PCNX1: variants seen among roughly 807,000 people sequenced by gnomAD.
PCNX1 encodes the protein pecanex 1, also known as pecanex-like protein 1.
Under a neutral mutation model 242.2 loss-of-function variants are expected in PCNX1, and 78 were observed. The ratio of observed to expected loss-of-function variants is 0.32; its 90% CI spans 0.27 to 0.39. The LOEUF is 0.39. PCNX1 is among the 10% of genes least tolerant of loss of function. The probability of loss-of-function intolerance (pLI) is 1.00; values close to 1 mark genes in which losing one functional copy is unlikely to be tolerated. For synonymous variants in PCNX1, 1,024 were observed against 1,032.9 expected, an observed-to-expected ratio of 0.99 and a Z score of 0.17; for missense variants, 2,581 against 2,856.5, an observed-to-expected ratio of 0.90 and a Z score of 2.20.
In PCNX1 at chr14:71,013,131, C is replaced by T. The variant is rs754684956; in HGVS notation, c.2925C>T (p.Arg975=). 5.0e-6 allele frequency: 8 copies of T among 1,614,006 alleles called. No homozygotes were observed. In the South Asian group the frequency reaches 7.7e-5, roughly 16 times the overall value. Residue 975 remains arginine (R), a synonymous_variant, in exon 11 of 36, where the codon CGC becomes CGT. Transcript: ENST00000304743. ...EAAQKVKHYY[R]FWILPQLWIG... is the part of the protein sequence containing the mutation. ...CCCAAAAGGTTAAACACTATTATCG[C>T]TTTTGGATCCTACCCCAGCTGTGGA... is the stretch of plus-strand genomic sequence containing the variant.
Position 71,057,731 on chromosome 14 carries a change from C to T in PCNX1, c.4852+7C>T. On this transcript the variant is annotated splice_region_variant and intron_variant, in intron 26 of 35. Coordinates refer to ENST00000304743, the MANE Select transcript of PCNX1 (RefSeq NM_014982.3). Reference sequence around the variant, plus strand: ...CGGGGACTTGAATTCAGAGGTAAGACATTCATTCACCTTTTATTTCTGTAG... The same window carrying T: ...CGGGGACTTGAATTCAGAGGTAAGATATTCATTCACCTTTTATTTCTGTAG... 1 of 1,584,440 alleles carries T rather than the reference C, an allele frequency of 6.3e-7. No homozygotes were observed. The highest frequency in any genetic ancestry group is 1.3e-5 in the African/African-American group (1 of 74,454).
At position 70,908,274 on chromosome 14, in the gene PCNX1, G is replaced by A. The variant is rs1257070141; in HGVS notation, c.153+271G>A. ...GCGGCAGCGTCCTAGGCCCCTTCTC[G>A]GGGTTCCCTCCTGCGGCCACTCGGC... On this transcript the variant is annotated intron_variant, in intron 1 of 35. Transcript: ENST00000304743. 2.0e-5 allele frequency among the ~76,000 whole-genome samples: 3 copies of A among 151,946 alleles called. No homozygotes were observed. In the East Asian group the frequency reaches 5.8e-4, roughly 29 times the overall value.
At chr14:70,932,989 C>G (rs1200897923) in intron 1 of PCNX1, among the ~76,000 whole-genome samples, 1 of 152,106 alleles carries the variant, frequency 6.6e-6, no homozygotes, top group Non-Finnish European at 1.5e-5. Context: ...CCATTGTTTT[C>G]TAGTGTAAAC....
chr14:70,938,537 T>C (rs1417194759), intron 1 of PCNX1, among the ~76,000 whole-genome samples: 1 of 152,204 alleles, frequency 6.6e-6, no homozygotes, highest in African/African-American at 2.4e-5. Context: ...TTTGCCAGTA[T>C]TTTATTGAGG....
intron 26 of PCNX1, among the ~76,000 whole-genome samples, chr14:71,067,006 T>G (rs544148860): frequency 2.0e-5 from 3 of 152,212 alleles, no homozygotes; most frequent in Non-Finnish European, 4.4e-5. Context: ...CTGGATTCTG[T>G]CTGCCAGTAT....
At chr14:70,966,167 T>C (rs1353114614) in intron 3 of PCNX1, among the ~76,000 whole-genome samples, 2 of 152,230 alleles carry the variant, frequency 1.3e-5, no homozygotes, top group African/African-American at 4.8e-5. Flanking sequence ...ATAGTCATGA[T>C]TCTTTTTGAG....
intron 6 of PCNX1, among the ~76,000 whole-genome samples, chr14:70,979,386 G>C (rs1213410775): frequency 2.0e-5 from 3 of 152,002 alleles, no homozygotes; most frequent in Non-Finnish European, 4.4e-5. Context: ...ATTTGGATAG[G>C]TGATTTTATA....
At chr14:71,054,186 A>G (rs1349858627) in intron 24 of PCNX1, among the ~76,000 whole-genome samples, 2 of 152,252 alleles carry the variant, frequency 1.3e-5, no homozygotes, top group African/African-American at 2.4e-5. Context: ...GCTACTTGCA[A>G]TATGGAATCT....
chr14:71,085,681 A>G (rs1595470977), intron 28 of PCNX1: 1 of 185,436 alleles, frequency 5.4e-6, no homozygotes, highest in Admixed American at 6.1e-5. Flanking sequence ...AGTCTATAGG[A>G]TTAAAAGGGG....
intron 26 of PCNX1, among the ~76,000 whole-genome samples, chr14:71,062,414 TA>T (rs1183269648): frequency 1.3e-5 from 2 of 151,876 alleles, no homozygotes; most frequent in African/African-American, 4.8e-5. Flanking sequence ...ATTTTAAAAA[TA>T]TTTAAAAATT....
intron 32 of PCNX1, among the ~76,000 whole-genome samples, chr14:71,104,655 G>A (rs1054148424): frequency 1.4e-4 from 22 of 152,110 alleles, no homozygotes; most frequent in East Asian, 1.9e-4. Flanking sequence ...CAGGCCCGGC[G>A]CTGTGGCTCA....
chr14:70,931,608 C>T (rs1420648910), intron 1 of PCNX1, among the ~76,000 whole-genome samples: 1 of 152,210 alleles, frequency 6.6e-6, no homozygotes, highest in African/African-American at 2.4e-5. Context: ...TTGTTTTCAT[C>T]TGCCAGATTT....
intron 30 of PCNX1, among the ~76,000 whole-genome samples, chr14:71,099,720 G>A (rs1014729372): frequency 1.3e-5 from 2 of 152,136 alleles, no homozygotes; most frequent in African/African-American, 2.4e-5. Flanking sequence ...TCTTTTTGTA[G>A]GCCAGTAAAA....
intron 23 of PCNX1, 142 bp downstream of exon 23, chr14:71,050,902 C>A: frequency 1.3e-6 from 1 of 766,596 alleles, no homozygotes; most frequent in East Asian, 3.0e-5. Flanking sequence ...GGTGCAGTGG[C>A]TCACGCCTGT....
chr14:70,926,953 TAA>T (rs2056616825), intron 1 of PCNX1, among the ~76,000 whole-genome samples: 1 of 152,130 alleles, frequency 6.6e-6, no homozygotes, highest in Non-Finnish European at 1.5e-5. Context: ...GTTTAGTGCT[TAA>T]AAATGCAGGC....
chr14:71,011,082 A>G (rs955454170), intron 9 of PCNX1, among the ~76,000 whole-genome samples: 1 of 152,166 alleles, frequency 6.6e-6, no homozygotes, highest in Non-Finnish European at 1.5e-5. Flanking sequence ...TGAAATCCAA[A>G]CATGACTGAA....
At chr14:71,012,733 T>C (rs2059855535) in intron 10 of PCNX1, 1 of 393,688 alleles carries the variant, frequency 2.5e-6, no homozygotes, top group South Asian at 2.4e-5. Flanking sequence ...CTTGGGAGGC[T>C]GAGGCAGAGA....
At chr14:70,946,861 G>T (rs900831580) in intron 1 of PCNX1, 54 bp from the exon 2 acceptor site, 11 of 1,161,022 alleles carry the variant, frequency 9.5e-6, no homozygotes, top group African/African-American at 7.8e-5. Flanking sequence ...TTATCTAATT[G>T]AATACGATAT....
Position 71,090,956 on chromosome 14 carries a change from C to A in PCNX1, c.5589+1614C>A, listed in dbSNP as rs150634108. Among the ~76,000 whole-genome samples the A allele has an allele frequency of 8.9e-3, 1,353 of 152,310 alleles. 9 individuals carry two copies. The highest frequency in any genetic ancestry group is 0.017 in the South Asian group (80 of 4,824). ...TATTCCTTTGGCTGTGGCATTATTG[C>A]CGATATCAGTGATTCTTTACTTTAT... On this transcript the variant is annotated intron_variant, in intron 30 of 35. Transcript: ENST00000304743.
Sources: allele counts gnomAD v4.1 joint callset (sites outside exome capture counted in the v4.1 genomes callset), GRCh38; gene constraint gnomAD v4.1.1; transcripts MANE v1.5; gene names NCBI Gene and HGNC (gene_info 2026-07-23, HGNC 2026-07-21).